The following ACTN1 variants were observed in gnomAD, a reference collection of about 807,000 sequenced individuals.
ACTN1 encodes actinin alpha 1.
In ACTN1, 30 loss-of-function variants were observed where a neutral mutation model predicts 119.6. The ratio of observed to expected loss-of-function variants is 0.25; its 90% CI spans 0.19 to 0.34. The LOEUF is 0.34. ACTN1 is among the 10% of genes least tolerant of loss of function. ACTN1 has a pLI of 1.00. For missense variants in ACTN1, 764 were observed against 1,223.4 expected (o/e 0.62, Z 5.60); for synonymous variants, 429 against 472.6 (o/e 0.91, Z 1.20).
At chr14:68,961,051 C>T (rs1417805191) in intron 1 of ACTN1, among the ~76,000 whole-genome samples, 1 of 152,154 alleles carries the variant, frequency 6.6e-6, no homozygotes, top group Non-Finnish European at 1.5e-5. Context: ...GCCTGGGTAA[C>T]AGAGTGAGAC....
intron 1 of ACTN1, among the ~76,000 whole-genome samples, chr14:68,972,871 TGTAGA>T (rs2036934037): frequency 6.6e-6 from 1 of 152,206 alleles, no homozygotes; most frequent in Non-Finnish European, 1.5e-5. Flanking sequence ...TGCTCATGCA[TGTAGA>T]GTCCTTAGGA....
intron 1 of ACTN1, among the ~76,000 whole-genome samples, chr14:68,939,834 G>A (rs941146952): frequency 4.6e-5 from 7 of 152,138 alleles, no homozygotes; most frequent in African/African-American, 1.7e-4. Flanking sequence ...AAATGTTCCA[G>A]GACCCCGCTA....
intron 3 of ACTN1, among the ~76,000 whole-genome samples, chr14:68,914,303 C>A (rs2034170261): frequency 1.3e-5 from 2 of 152,078 alleles, no homozygotes; most frequent in Non-Finnish European, 2.9e-5. Context: ...TTAAAGAGTT[C>A]ATCTCAATTG....
intron 1 of ACTN1, among the ~76,000 whole-genome samples, chr14:68,948,059 C>T (rs902286758): frequency 6.6e-5 from 10 of 152,216 alleles, no homozygotes; most frequent in African/African-American, 2.4e-4. Context: ...GCTGCTGCCA[C>T]CCAACCAGAC....
Position 68,892,048 on chromosome 14 carries a change from C to G in ACTN1, c.1086+5G>C, listed in dbSNP as rs1164731635. The G allele has an allele frequency of 6.2e-7, 1 of 1,612,934 alleles. No homozygotes were observed. The highest frequency in any genetic ancestry group is 8.5e-7 in the Non-Finnish European group (1 of 1,179,802). ...TGGGGGCCCAGGCTCACCCCCAGTGCTCACCGAGACCATCCTGCCCTCAGA... is the reference window on the plus strand; with the variant it reads ...TGGGGGCCCAGGCTCACCCCCAGTGGTCACCGAGACCATCCTGCCCTCAGA... On this transcript the variant is annotated splice_donor_5th_base_variant and intron_variant, in intron 10 of 21. Transcript: ENST00000394419.
intron 1 of ACTN1, among the ~76,000 whole-genome samples, chr14:68,939,733 T>C (rs1401035935): frequency 6.6e-6 from 1 of 152,256 alleles, no homozygotes; most frequent in East Asian, 1.9e-4. Flanking sequence ...TTTATGTGAC[T>C]ATCCTAAAAA....
At chr14:68,883,587 CA>C (rs1344631377) in intron 14 of ACTN1, among the ~76,000 whole-genome samples, 1 of 151,856 alleles carries the variant, frequency 6.6e-6, no homozygotes, top group African/African-American at 2.4e-5. Flanking sequence ...GCCTGAGCAA[CA>C]AAGAAAAAAC....
At chr14:68,959,739 G>T (rs2036464093) in intron 1 of ACTN1, among the ~76,000 whole-genome samples, 1 of 152,156 alleles carries the variant, frequency 6.6e-6, no homozygotes, top group Non-Finnish European at 1.5e-5. Flanking sequence ...GGAAATGTTG[G>T]TCAAAGGGTA....
rs368902712 is a variant in ACTN1 at position 68,882,588 on chromosome 14, C to T, written c.1823G>A (p.Arg608Gln). The T allele has an allele frequency of 7.4e-6, 12 of 1,614,070 alleles. No individual in the cohort carries two copies. Among genetic ancestry groups the T allele is most frequent in the South Asian group, 2.2e-5 (2 of 91,082 alleles). ...QEINGKWDHV[R>Q]QLVPRRDQAL... ...TTGGTCCCTCCGAGGCACCAGCTGC[C>T]GCACCTGGGGCAGGAACAACAAGGC... is the stretch of plus-strand genomic sequence containing the variant. The change falls in exon 16 of 22, where the codon CGG becomes CAG. Residue 608 changes from arginine to glutamine, a missense_variant. Arg to Gln is a conservative substitution (Grantham distance 43). Around this residue, in one of 4 missense-constraint regions of ACTN1, gnomAD observed 544 missense variants for 912.0 expected, o/e 0.60. Transcript: ENST00000394419. The surrounding 1 kb of genome is among the most constrained non-coding windows in gnomAD (Gnocchi z 4.5).
chr14:68,900,758 T>C (rs1324914671), intron 8 of ACTN1: 1 of 152,074 alleles, frequency 6.6e-6, no homozygotes, highest in Non-Finnish European at 1.5e-5. Context: ...AGGAGGGGCT[T>C]CTCTAGTCCC....
At chr14:68,937,028 T>C (rs1314261831) in intron 1 of ACTN1, among the ~76,000 whole-genome samples, 1 of 152,206 alleles carries the variant, frequency 6.6e-6, no homozygotes, top group Non-Finnish European at 1.5e-5. Flanking sequence ...TTCAACTTTT[T>C]TGGATTCTCG....
chr14:68,946,142 A>G (rs2140512781), intron 1 of ACTN1, among the ~76,000 whole-genome samples: 1 of 151,910 alleles, frequency 6.6e-6, no homozygotes, highest in Middle Eastern at 3.4e-3. Flanking sequence ...CACTCTCACA[A>G]CTGTCCGTAA....
chr14:68,927,474 C>T (rs2140399997), intron 1 of ACTN1, among the ~76,000 whole-genome samples: 1 of 152,346 alleles, frequency 6.6e-6, no homozygotes. Flanking sequence ...GTGCAGCAGA[C>T]ATTCTAGTGG....
rs761651604 is a variant in ACTN1, at chr14:68,874,957, T to C, written c.2647A>G (p.Ile883Val). Reference sequence around the variant, plus strand: ...CCGGTGTAGGGGGCCATCCGCGCGATGCAGTACTCAGCCTGGTCGGGTGGC... The same window carrying C: ...CCGGTGTAGGGGGCCATCCGCGCGACGCAGTACTCAGCCTGGTCGGGTGGC... ...ELPPDQAEYCIARMAPYTGPD... is the reference protein window; with the variant it reads ...ELPPDQAEYCVARMAPYTGPD... The change falls in exon 22 of 22, where the codon ATC (isoleucine) becomes GTC (valine). Residue 883 changes from isoleucine to valine, a missense_variant. By Grantham distance (29) the Ile-to-Val change is conservative. Around this residue, in one of 4 missense-constraint regions of ACTN1, gnomAD observed 102 missense variants for 78.2 expected, o/e 1.30. Transcript: ENST00000394419. 10 of 1,613,718 alleles carry C rather than the reference T, an allele frequency of 6.2e-6. No homozygotes were observed. Among genetic ancestry groups the C allele is most frequent in the South Asian group, 4.4e-5 (4 of 91,090 alleles).
chr14:68,969,299 C>G (rs949084397), intron 1 of ACTN1, among the ~76,000 whole-genome samples: 1 of 152,192 alleles, frequency 6.6e-6, no homozygotes, highest in Non-Finnish European at 1.5e-5. Context: ...CCATGCAGCC[C>G]CAGCCACCAG....
chr14:68,904,761 A>T, intron 6 of ACTN1, 25 bp from the exon 7 acceptor site: 3 of 1,601,230 alleles, frequency 1.9e-6, no homozygotes, highest in Non-Finnish European at 2.6e-6. Context: ...GGAGGAAGGG[A>T]TGATAAAGTG....
intron 1 of ACTN1, among the ~76,000 whole-genome samples, chr14:68,952,019 A>G (rs2036188224): frequency 6.6e-6 from 1 of 152,198 alleles, no homozygotes; most frequent in African/African-American, 2.4e-5. Flanking sequence ...AGCATGGAAG[A>G]GCAAAACAAA....
At chr14:68,950,330 A>G in intron 1 of ACTN1, among the ~76,000 whole-genome samples, 2 of 148,320 alleles carry the variant, frequency 1.3e-5, no homozygotes, top group African/African-American at 2.5e-5. Context: ...AGAGTTCAGG[A>G]GATGGATGCT....
rs1226037787 is a variant in ACTN1, at chr14:68,882,122, G to C, written c.1953+336C>G. On this transcript the variant is annotated intron_variant, in intron 16 of 21. Coordinates refer to ENST00000394419, the MANE Select transcript of ACTN1 (RefSeq NM_001130004.2). This position sits in a 1 kb window ranked among gnomAD's most constrained non-coding sequence, Gnocchi z 4.5. ...GGCTGATTTTTGTATTTTTAGTAGAGACGGGGTTTCACCATGTTGGCCAGG... is the reference window on the plus strand; with the variant it reads ...GGCTGATTTTTGTATTTTTAGTAGACACGGGGTTTCACCATGTTGGCCAGG... Among the ~76,000 whole-genome samples, 1 of 151,872 alleles carries C rather than the reference G, an allele frequency of 6.6e-6. No homozygotes were observed.
Sources: gnomAD v4.1 joint callset for allele counts (sites outside exome capture counted in the v4.1 genomes callset) on GRCh38, gnomAD v4.1.1 for gene constraint, gnomAD v4.1.1 regional missense constraint, Gnocchi (gnomAD v3.1) non-coding constraint, MANE v1.5 for transcripts, NCBI Gene and HGNC (gene_info 2026-07-23, HGNC 2026-07-21) for gene names.